XIRP2: variants seen among roughly 807,000 people sequenced by gnomAD.
XIRP2 encodes the protein xin actin-binding repeat-containing protein 2.
XIRP2 carries 236 observed loss-of-function variants against 277.0 expected under a neutral mutation model. The ratio of observed to expected loss-of-function variants is 0.85; its 90% confidence interval spans 0.77 to 0.95. XIRP2 has a LOEUF of 0.95. Among genes scored for constraint, XIRP2 ranks in the 40% least tolerant of loss-of-function variants. The pLI, the probability that XIRP2 is intolerant of heterozygous loss-of-function variation, is 0.00. For missense variants in XIRP2, 4,640 were observed against 4,157.5 expected (o/e 1.12, Z -3.19); for synonymous variants, 1,490 against 1,416.5 (o/e 1.05, Z -1.17).
At chr2:167,206,777 C>T (rs1387335880) in intron 3 of XIRP2, among the ~76,000 whole-genome samples, 2 of 152,138 alleles carry the variant, frequency 1.3e-5, no homozygotes, top group Non-Finnish European at 2.9e-5. Context: ...ATTGTTACAC[C>T]GTCATCCTTT....
intron 10 of XIRP2, among the ~76,000 whole-genome samples, chr2:167,254,525 A>T (rs1051051270): frequency 6.6e-6 from 1 of 151,848 alleles, no homozygotes; most frequent in East Asian, 1.9e-4. Context: ...ATCATAAGTA[A>T]TTTTGGCTTT....
chr2:166,981,323 T>C (rs1686864301), intron 2 of XIRP2, among the ~76,000 whole-genome samples: 1 of 152,172 alleles, frequency 6.6e-6, no homozygotes. Flanking sequence ...ATCCTTGTTT[T>C]ACAGACACAT....
At chr2:167,095,132 T>C (rs1690263851) in intron 2 of XIRP2, among the ~76,000 whole-genome samples, 1 of 152,218 alleles carries the variant, frequency 6.6e-6, no homozygotes, top group Non-Finnish European at 1.5e-5. Context: ...TATTGATGTA[T>C]AGGAATGCTT....
At position 167,201,507 on chromosome 2, in the gene XIRP2, G is replaced by A. The variant is rs527623283; in HGVS notation, c.563-9228G>A. Reference sequence around the variant, plus strand: ...AGATCACTTGAAAATGAGACCAGTGGCCCCTGCTTTGCATTTTCCCTTCCT... The same window carrying A: ...AGATCACTTGAAAATGAGACCAGTGACCCCTGCTTTGCATTTTCCCTTCCT... On this transcript the variant is annotated intron_variant, in intron 3 of 10. Transcript: ENST00000409195. Among the ~76,000 whole-genome samples the A allele has an allele frequency of 2.0e-4, 31 of 152,196 alleles. No homozygotes were observed. The South Asian group carries it at 5.8e-3, about 28-fold the overall frequency.
intron 1 of XIRP2, among the ~76,000 whole-genome samples, chr2:166,892,526 C>T (rs1158345992): frequency 6.6e-6 from 1 of 152,046 alleles, no homozygotes; most frequent in Non-Finnish European, 1.5e-5. Flanking sequence ...AATTTCAAAG[C>T]CAACTTTAAA....
chr2:166,941,577 A>G (rs1053082615), intron 2 of XIRP2, among the ~76,000 whole-genome samples: 5 of 152,190 alleles, frequency 3.3e-5, no homozygotes, highest in Non-Finnish European at 7.3e-5. Context: ...CTAATTGGCC[A>G]TCTTGGAACC....
intron 5 of XIRP2, among the ~76,000 whole-genome samples, chr2:167,220,907 C>A (rs1158252839): frequency 4.6e-5 from 7 of 152,046 alleles, no homozygotes; most frequent in Non-Finnish European, 1.5e-5. Flanking sequence ...CCCTGCTCTG[C>A]GAATGTGTAT....
rs80233631 is a variant in XIRP2 at position 167,042,552 on chromosome 2, T to C, written c.409-93357T>C. On this transcript the variant is annotated intron_variant, in intron 2 of 10. Transcript: ENST00000409195. ...AACAAACAAAAAAATGAACAGGGGT[T>C]GCCATTCTTATCTCAGAGAAAACAG... Among the ~76,000 whole-genome samples the C allele has an allele frequency of 7.1e-3, 1,085 of 152,274 alleles. 16 individuals carry two copies. The highest frequency in any genetic ancestry group is 0.025 in the African/African-American group (1,030 of 41,546).
At chr2:166,987,835 C>T (rs1234239777) in intron 2 of XIRP2, among the ~76,000 whole-genome samples, 1 of 152,090 alleles carries the variant, frequency 6.6e-6, no homozygotes, top group Non-Finnish European at 1.5e-5. Context: ...ACAATAGTAA[C>T]AGATTGTAGC....
intron 3 of XIRP2, among the ~76,000 whole-genome samples, chr2:167,152,813 G>C (rs900611031): frequency 6.6e-6 from 1 of 152,020 alleles, no homozygotes; most frequent in Non-Finnish European, 1.5e-5. Context: ...CCACTCCAAG[G>C]AATCACTGTG....
chr2:166,979,686 T>C (rs1686816565), intron 2 of XIRP2, among the ~76,000 whole-genome samples: 1 of 152,160 alleles, frequency 6.6e-6, no homozygotes, highest in Non-Finnish European at 1.5e-5. Flanking sequence ...TGAATTGTAT[T>C]GACAGCTTTT....
chr2:166,959,014 C>T (rs1686237668), intron 2 of XIRP2, among the ~76,000 whole-genome samples: 1 of 151,686 alleles, frequency 6.6e-6, no homozygotes, highest in African/African-American at 2.4e-5. Context: ...TAATGCTTTG[C>T]CTGAAGCATC....
intron 2 of XIRP2, among the ~76,000 whole-genome samples, chr2:167,035,107 T>G (rs1315028573): frequency 6.6e-6 from 1 of 152,134 alleles, no homozygotes; most frequent in African/African-American, 2.4e-5. Flanking sequence ...TAAGTCCAAT[T>G]AAACCTCTTT....
intron 1 of XIRP2, among the ~76,000 whole-genome samples, chr2:166,896,045 A>G (rs1019911253): frequency 1.6e-4 from 25 of 152,156 alleles, no homozygotes; most frequent in African/African-American, 5.3e-4. Context: ...TTTATGCTAA[A>G]AGGTTCCCTG....
intron 3 of XIRP2, among the ~76,000 whole-genome samples, chr2:167,151,026 TACA>T (rs1233748646): frequency 1.3e-5 from 2 of 152,120 alleles, no homozygotes; most frequent in Non-Finnish European, 2.9e-5. Context: ...CATAAAATCC[TACA>T]ACTTCAAAAA....
At chr2:166,912,217 C>G (rs929308161) in intron 2 of XIRP2, among the ~76,000 whole-genome samples, 1 of 152,172 alleles carries the variant, frequency 6.6e-6, no homozygotes, top group Non-Finnish European at 1.5e-5. Context: ...CAACTTGGTT[C>G]CATTTTCCCC....
intron 5 of XIRP2, among the ~76,000 whole-genome samples, chr2:167,238,109 C>T (rs988699097): frequency 1.3e-5 from 2 of 152,144 alleles, no homozygotes; most frequent in Admixed American, 6.5e-5. Context: ...GAACATTCCT[C>T]GCAAGTAGGT....
At position 167,258,134 on chromosome 2, in the gene XIRP2, G is replaced by C. The variant is rs753181652; in HGVS notation, c.*317G>C. 6.2e-7 allele frequency: 1 copy of C among 1,613,126 alleles called. No homozygotes were observed. The highest frequency in any genetic ancestry group is 1.1e-5 in the South Asian group (1 of 91,058). On this transcript the variant is annotated 3_prime_UTR_variant, in exon 11 of 11. Transcript: ENST00000409195. Reference sequence around the variant, plus strand: ...GCAAAGGAATGATTTGAGAAAATTAGGGGAAAGGGGAAAATTAAAAGTCAT... The same window carrying C: ...GCAAAGGAATGATTTGAGAAAATTACGGGAAAGGGGAAAATTAAAAGTCAT...
chr2:167,016,962 G>A (rs867698375), intron 2 of XIRP2, among the ~76,000 whole-genome samples: 1 of 151,938 alleles, frequency 6.6e-6, no homozygotes, highest in Non-Finnish European at 1.5e-5. Context: ...TGGCCTTAAG[G>A]TAAACATGGT....
Sources: allele counts gnomAD v4.1 joint callset (sites outside exome capture counted in the v4.1 genomes callset), GRCh38; gene constraint gnomAD v4.1.1; transcripts MANE v1.5; gene names NCBI Gene and HGNC (gene_info 2026-07-23, HGNC 2026-07-21).